The following MAPK14 variants were observed in gnomAD, a reference collection of about 807,000 sequenced individuals.
The protein encoded by MAPK14 is mitogen-activated protein kinase 14.
A neutral mutation model predicts 49.6 loss-of-function variants in MAPK14; 16 were observed. That is an observed-to-expected ratio of 0.32 (90% CI 0.22 to 0.49). The LOEUF is 0.49. MAPK14 is among the 20% of genes least tolerant of loss of function. The probability of loss-of-function intolerance (pLI) is 0.99; values close to 1 mark genes in which losing one functional copy is unlikely to be tolerated. For synonymous variants in MAPK14, 142 were observed against 158.0 expected, an observed-to-expected ratio of 0.90 and a Z score of 0.76; for missense variants, 200 against 441.2, an observed-to-expected ratio of 0.45 and a Z score of 4.90.
chr6:36,061,210 T>C (rs1328889177), intron 3 of MAPK14, among the ~76,000 whole-genome samples: 2 of 152,224 alleles, frequency 1.3e-5, no homozygotes, highest in Non-Finnish European at 2.9e-5. Context: ...TTAGGTATAC[T>C]AAGGATGGAT....
At chr6:36,064,588 G>A (rs1311386019) in intron 3 of MAPK14, among the ~76,000 whole-genome samples, 1 of 152,158 alleles carries the variant, frequency 6.6e-6, no homozygotes, top group Non-Finnish European at 1.5e-5. Flanking sequence ...AAGCCAATGA[G>A]AAGAGATCAC....
chr6:36,064,270 GC>G (rs3045917), intron 3 of MAPK14, among the ~76,000 whole-genome samples: 8 of 124,852 alleles, frequency 6.4e-5, no homozygotes, highest in African/African-American at 1.5e-4. Context: ...GAGCCACCAT[GC>G]CCCCCCCCAC....
chr6:36,100,082 G>T, intron 9 of MAPK14: 1 of 766,154 alleles, frequency 1.3e-6, no homozygotes, highest in Non-Finnish European at 2.4e-6. Flanking sequence ...TGGAGGGTAG[G>T]TTTTTTTGTC....
At chr6:36,096,285 A>T in intron 9 of MAPK14, 1 of 451,652 alleles carries the variant, frequency 2.2e-6, no homozygotes, top group Non-Finnish European at 3.9e-6. Flanking sequence ...ATCTGGGTAC[A>T]CACTAAGATC....
At chr6:36,100,249 C>G in intron 9 of MAPK14, 1 of 1,613,548 alleles carries the variant, frequency 6.2e-7, no homozygotes, top group Non-Finnish European at 8.5e-7. Context: ...ATCTCATTAA[C>G]AGGATGCCAA....
At chr6:36,113,276 A>G (rs1168664509), downstream of MAPK14, among the ~76,000 whole-genome samples, 1 of 146,956 alleles carries the variant, frequency 6.8e-6, no homozygotes, top group African/African-American at 2.5e-5. Context: ...CAGGAGTTCA[A>G]GGCTGCAGTG....
At chr6:36,074,491 G>A (rs1764439233) in intron 6 of MAPK14, among the ~76,000 whole-genome samples, 1 of 152,124 alleles carries the variant, frequency 6.6e-6, no homozygotes, top group African/African-American at 2.4e-5. Flanking sequence ...ATAGCAAGCA[G>A]CTCTAGAACT....
intron 8 of MAPK14, among the ~76,000 whole-genome samples, chr6:36,081,633 AT>A (rs1364668440): frequency 6.6e-6 from 1 of 152,152 alleles, no homozygotes; most frequent in Non-Finnish European, 1.5e-5. Context: ...CACTGTTTTG[AT>A]CACTGTAGCT....
chr6:36,072,258 A>G (rs1179579027), intron 3 of MAPK14, among the ~76,000 whole-genome samples: 1 of 151,996 alleles, frequency 6.6e-6, no homozygotes, highest in Non-Finnish European at 1.5e-5. Flanking sequence ...GGATCACTTG[A>G]GCCCAGGAGT....
At chr6:36,034,850 A>C (rs1316483002) in intron 1 of MAPK14, among the ~76,000 whole-genome samples, 1 of 146,912 alleles carries the variant, frequency 6.8e-6, no homozygotes, top group Non-Finnish European at 1.5e-5. Flanking sequence ...TGCTCACTTC[A>C]TGTCTCTGTG....
intron 1 of MAPK14, among the ~76,000 whole-genome samples, chr6:36,047,298 G>A (rs1359518728): frequency 6.6e-6 from 1 of 152,150 alleles, no homozygotes; most frequent in Non-Finnish European, 1.5e-5. Flanking sequence ...CTATGGGGTG[G>A]GATGGGGGCG....
In MAPK14 at chr6:36,104,860, A is replaced by C. The variant is rs116144805; in HGVS notation, c.841+2211A>C. On this transcript the variant is annotated intron_variant, in intron 10 of 11. Transcript: ENST00000229794. ...TGTGTTCCAGCAGCTTATTTAGGTC[A>C]CATACCTCCTGATAGGTCTTCCCAT... 3.3e-3 allele frequency among the ~76,000 whole-genome samples: 509 copies of C among 152,310 alleles called. 1 individual carries two copies. The highest frequency in any genetic ancestry group is 4.3e-3 in the Non-Finnish European group (293 of 68,034).
intron 9 of MAPK14, chr6:36,100,284 T>A (rs781414205): frequency 5.1e-6 from 8 of 1,572,582 alleles, no homozygotes; most frequent in Non-Finnish European, 6.1e-6. Flanking sequence ...ACAAAGAGAC[T>A]GTACAGGGAT....
chr6:36,054,082 G>A (rs766189173), intron 2 of MAPK14, among the ~76,000 whole-genome samples: 1 of 152,032 alleles, frequency 6.6e-6, no homozygotes, highest in Non-Finnish European at 1.5e-5. Flanking sequence ...TGCGGAAAAA[G>A]CTGGCAGCAG....
At chr6:36,096,595 C>T (rs1009332420) in intron 9 of MAPK14, 3 of 152,508 alleles carry the variant, frequency 2.0e-5, no homozygotes, top group African/African-American at 7.2e-5. Flanking sequence ...TAGATACTCA[C>T]ATATCCTATG....
At chr6:36,039,419 A>ACTTCT (rs1332722231) in intron 1 of MAPK14, among the ~76,000 whole-genome samples, 1 of 152,092 alleles carries the variant, frequency 6.6e-6, no homozygotes, top group East Asian at 1.9e-4. Context: ...CTCAAAACTT[A>ACTTCT]CTTCTCTTAG....
At chr6:36,119,875 AAGG>A in the MAPK14 span, among the ~76,000 whole-genome samples, 9 of 152,214 alleles carry the variant, frequency 5.9e-5, no homozygotes, top group Non-Finnish European at 1.2e-4. Context: ...TTAAGTGAAA[AAGG>A]AGGCTGCAAA....
chr6:36,079,748 A>G (rs757725157), intron 8 of MAPK14, among the ~76,000 whole-genome samples: 1 of 152,116 alleles, frequency 6.6e-6, no homozygotes, highest in African/African-American at 2.4e-5. Flanking sequence ...TGGTATTGCA[A>G]ATGTTTTATA....
At chr6:36,051,504 C>T (rs927835162) in intron 1 of MAPK14, among the ~76,000 whole-genome samples, 1 of 152,180 alleles carries the variant, frequency 6.6e-6, no homozygotes, top group South Asian at 2.1e-4. Context: ...CATCCCTTCC[C>T]ACTCTCCCCT....
Sources: allele counts gnomAD v4.1 joint callset (sites outside exome capture counted in the v4.1 genomes callset), GRCh38; gene constraint gnomAD v4.1.1; transcripts MANE v1.5; gene names NCBI Gene and HGNC (gene_info 2026-07-23, HGNC 2026-07-21).